HEMK2: variants seen among roughly 807,000 people sequenced by gnomAD.
HEMK2 encodes HemK methyltransferase 2, ETF1 glutamine and histone H4 lysine.
the HEMK2 span, among the ~76,000 whole-genome samples, chr21:28,698,367 C>T: frequency 2.6e-5 from 4 of 151,902 alleles, no homozygotes; most frequent in Admixed American, 6.6e-5. Context: ...AGCTTTAAAT[C>T]GGTTAAAATG....
the HEMK2 span, among the ~76,000 whole-genome samples, chr21:28,581,831 G>T: frequency 6.6e-6 from 1 of 152,152 alleles, no homozygotes. Context: ...AAGGAAAATT[G>T]AATCCAATGA....
At chr21:28,872,488 G>A in the HEMK2 span, 1 of 152,380 alleles carries the variant, frequency 6.6e-6, no homozygotes, top group African/African-American at 2.4e-5. Context: ...AGGCAAGTCA[G>A]AGGCTCTCCA....
the HEMK2 span, among the ~76,000 whole-genome samples, chr21:28,628,998 C>T: frequency 7.2e-5 from 11 of 152,160 alleles, no homozygotes; most frequent in African/African-American, 2.7e-4. Context: ...ATAAGAATCA[C>T]CTGCTCGCAC....
At chr21:28,838,998 T>TATATAC in the HEMK2 span, among the ~76,000 whole-genome samples, 3 of 57,972 alleles carry the variant, frequency 5.2e-5, no homozygotes, top group South Asian at 1.2e-3. Flanking sequence ...TATATATATA[T>TATATAC]ATACATATAT....
the HEMK2 span, among the ~76,000 whole-genome samples, chr21:28,688,651 T>C: frequency 1.3e-5 from 2 of 152,108 alleles, no homozygotes; most frequent in Non-Finnish European, 2.9e-5. Context: ...CTTAGCATTA[T>C]TATCAGAGCT....
the HEMK2 span, among the ~76,000 whole-genome samples, chr21:28,667,336 A>G: frequency 1.3e-5 from 2 of 152,206 alleles, no homozygotes; most frequent in African/African-American, 4.8e-5. Flanking sequence ...TGAAATGAGA[A>G]GCCATAATTT....
chr21:28,694,231 T>G, the HEMK2 span, among the ~76,000 whole-genome samples: 2 of 152,236 alleles, frequency 1.3e-5, no homozygotes, highest in Non-Finnish European at 2.9e-5. Flanking sequence ...TTTTAATGGT[T>G]ACGGTACATA....
the HEMK2 span, chr21:28,878,102 C>G: frequency 2.0e-4 from 229 of 1,150,418 alleles, no homozygotes; most frequent in Middle Eastern, 1.2e-3. Context: ...CATTAACATG[C>G]CAGGTTATCT....
At chr21:28,612,442 A>C in the HEMK2 span, among the ~76,000 whole-genome samples, 2 of 152,212 alleles carry the variant, frequency 1.3e-5, no homozygotes, top group African/African-American at 2.4e-5. Context: ...TTAAGGTAAT[A>C]AACACCATCT....
chr21:28,879,996 G>A, the HEMK2 span: 2 of 1,314,370 alleles, frequency 1.5e-6, no homozygotes, highest in Non-Finnish European at 2.1e-6. Flanking sequence ...ATTAAACTCT[G>A]AATTAAATAA....
At chr21:28,649,481 A>C in the HEMK2 span, among the ~76,000 whole-genome samples, 1 of 152,246 alleles carries the variant, frequency 6.6e-6, no homozygotes, top group African/African-American at 2.4e-5. Flanking sequence ...AACTGGAAAG[A>C]GGTAACAAAT....
the HEMK2 span, among the ~76,000 whole-genome samples, chr21:28,794,947 G>A: frequency 2.6e-5 from 4 of 152,180 alleles, no homozygotes; most frequent in African/African-American, 9.7e-5. Flanking sequence ...TTAAAGTCCA[G>A]ACCTGGTGCC....
chr21:28,601,899 C>T, the HEMK2 span, among the ~76,000 whole-genome samples: 2 of 152,216 alleles, frequency 1.3e-5, no homozygotes, highest in Middle Eastern at 3.2e-3. Flanking sequence ...CCCTTGGACA[C>T]ATCCTGTTAT....
chr21:28,600,072 T>C, the HEMK2 span, among the ~76,000 whole-genome samples: 6 of 152,214 alleles, frequency 3.9e-5, no homozygotes, highest in African/African-American at 7.2e-5. Context: ...AGGTGCACAG[T>C]GCAAGCTGCA....
chr21:28,634,729 C>T, the HEMK2 span, among the ~76,000 whole-genome samples: 1 of 152,210 alleles, frequency 6.6e-6, no homozygotes, highest in East Asian at 1.9e-4. Context: ...CTTAAATTTG[C>T]TCATTTATAA....
chr21:28,829,535 G>A, the HEMK2 span, among the ~76,000 whole-genome samples: 1 of 152,154 alleles, frequency 6.6e-6, no homozygotes, highest in African/African-American at 2.4e-5. Flanking sequence ...AGATACCAGT[G>A]CTTCAATCTT....
chr21:28,864,409 T>C, the HEMK2 span, among the ~76,000 whole-genome samples: 1 of 115,230 alleles, frequency 8.7e-6, no homozygotes. Context: ...GGTCTTACAT[T>C]AGCATTTAAG....
At chr21:28,596,755 T>TA in the HEMK2 span, among the ~76,000 whole-genome samples, 1 of 152,190 alleles carries the variant, frequency 6.6e-6, no homozygotes, top group Non-Finnish European at 1.5e-5. Context: ...AGATGGAAGA[T>TA]ACGCTAATTT....
the HEMK2 span, among the ~76,000 whole-genome samples, chr21:28,632,019 A>T: frequency 1.3e-5 from 2 of 152,174 alleles, no homozygotes; most frequent in African/African-American, 4.8e-5. Context: ...AATGCTTTGG[A>T]ATACTAGAGA....
Sources: allele counts gnomAD v4.1 joint callset (sites outside exome capture counted in the v4.1 genomes callset), GRCh38; gene constraint gnomAD v4.1.1; transcripts MANE v1.5; gene names NCBI Gene and HGNC (gene_info 2026-07-23, HGNC 2026-07-21).